Variants in LRFN5 observed in about 807,000 individuals in gnomAD.
The protein encoded by LRFN5 is leucine-rich repeat and fibronectin type-III domain-containing protein 5.
LRFN5 carries 24 observed loss-of-function variants against 45.6 expected under a neutral mutation model. That is an observed-to-expected ratio of 0.53 (90% CI 0.38 to 0.74). LRFN5 has a LOEUF of 0.74. Ranked by LOEUF, LRFN5 falls within the 30% of genes least tolerant of loss-of-function variation. LRFN5 has a pLI of 0.00. For synonymous variants in LRFN5, 340 were observed against 313.8 expected, an observed-to-expected ratio of 1.08 and a Z score of -0.88; for missense variants, 776 against 861.5, an observed-to-expected ratio of 0.90 and a Z score of 1.24.
intron 1 of LRFN5, among the ~76,000 whole-genome samples, chr14:41,691,205 A>G (rs1431372552): frequency 2.6e-5 from 4 of 152,064 alleles, no homozygotes; most frequent in African/African-American, 9.7e-5. Flanking sequence ...TACTTAAATA[A>G]TTGATTTTTA....
intron 2 of LRFN5, among the ~76,000 whole-genome samples, chr14:41,878,116 TAGAC>T (rs1890248429): frequency 6.6e-6 from 1 of 152,092 alleles, no homozygotes; most frequent in Non-Finnish European, 1.5e-5. Context: ...GAAAAAAAGT[TAGAC>T]AGAAAACCTA....
chr14:41,904,047 G>C (rs1318650418), intron 5 of LRFN5, 111 bp from the exon 6 acceptor site: 1 of 855,384 alleles, frequency 1.2e-6, no homozygotes, highest in Non-Finnish European at 1.8e-6. Context: ...CTCCTTGGGT[G>C]CTTACATTTA....
chr14:41,607,271 C>T lies in LRFN5; in HGVS notation c.-1488C>T, dbSNP rs1038072174. 5.9e-5 allele frequency among the ~76,000 whole-genome samples: 9 copies of T among 151,756 alleles called. No homozygotes were observed. Among genetic ancestry groups the T allele is most frequent in the African/African-American group, 2.2e-4 (9 of 41,404 alleles). On this transcript the variant is annotated 5_prime_UTR_variant, in exon 1 of 6. Coordinates refer to ENST00000298119, the MANE Select transcript of LRFN5 (RefSeq NM_152447.5). The stretch of plus-strand genomic sequence containing the variant: ...GCTCTGGCTGTGAACACAGCCCACC[C>T]ATATAATCCATTTTGCACGGTCCGT...
chr14:41,865,479 C>T (rs921899499), intron 2 of LRFN5, among the ~76,000 whole-genome samples: 2 of 152,128 alleles, frequency 1.3e-5, no homozygotes, highest in Admixed American at 1.3e-4. Flanking sequence ...AGCCGATAGA[C>T]ATTTGAATTG....
intron 1 of LRFN5, among the ~76,000 whole-genome samples, chr14:41,656,728 G>T (rs553880559): frequency 6.6e-6 from 1 of 151,968 alleles, no homozygotes; most frequent in South Asian, 2.1e-4. Flanking sequence ...GAACATAGAA[G>T]TCATTTCCTT....
chr14:41,794,925 A>G (rs534535445), intron 2 of LRFN5, among the ~76,000 whole-genome samples: 3 of 152,084 alleles, frequency 2.0e-5, no homozygotes, highest in South Asian at 2.1e-4. Flanking sequence ...ATAAATATTT[A>G]AATATATATG....
At chr14:41,826,954 GTAAT>G (rs1378128680) in intron 2 of LRFN5, among the ~76,000 whole-genome samples, 2 of 151,162 alleles carry the variant, frequency 1.3e-5, no homozygotes, top group African/African-American at 4.9e-5. Flanking sequence ...CACAAAATAA[GTAAT>G]TATTTTGATT....
chr14:41,704,341 T>A (rs1248257865), intron 1 of LRFN5, among the ~76,000 whole-genome samples: 2 of 151,808 alleles, frequency 1.3e-5, no homozygotes, highest in African/African-American at 4.8e-5. Flanking sequence ...ACCTCTGGCC[T>A]TGTATTGCTT....
At chr14:41,666,349 T>C in intron 1 of LRFN5, among the ~76,000 whole-genome samples, 1 of 152,050 alleles carries the variant, frequency 6.6e-6, no homozygotes, top group Admixed American at 6.6e-5. Context: ...ATTACTAGTA[T>C]TATCCCCATT....
Position 41,773,574 on chromosome 14 carries a change from TC to T in LRFN5, c.-21+6546del, listed in dbSNP as rs544486177. ...CTCTCTCTCTTTGTCTCTCTCTCTCTCTGTCTCTTTCTCTTTCTCTCTCTCT... is the reference window on the plus strand; with the variant it reads ...CTCTCTCTCTTTGTCTCTCTCTCTCTTGTCTCTTTCTCTTTCTCTCTCTCT... On this transcript the variant is annotated intron_variant, in intron 2 of 5. Transcript: ENST00000298119. 4.7e-4 allele frequency among the ~76,000 whole-genome samples: 71 copies of T among 152,300 alleles called. No homozygotes were observed. In the East Asian group the frequency reaches 0.013, roughly 28 times the overall value.
chr14:41,738,887 A>G (rs1041665740), intron 1 of LRFN5, among the ~76,000 whole-genome samples: 4 of 152,200 alleles, frequency 2.6e-5, no homozygotes, highest in Non-Finnish European at 4.4e-5. Context: ...TTTCTGAACT[A>G]CTATTTACAA....
chr14:41,901,489 C>A (rs993470741), intron 5 of LRFN5, among the ~76,000 whole-genome samples: 4 of 150,396 alleles, frequency 2.7e-5, no homozygotes, highest in Non-Finnish European at 3.0e-5. Flanking sequence ...AGAGCTATAG[C>A]TTATTCTGTG....
At chr14:41,706,240 A>G (rs924763690) in intron 1 of LRFN5, among the ~76,000 whole-genome samples, 1 of 152,026 alleles carries the variant, frequency 6.6e-6, no homozygotes, top group African/African-American at 2.4e-5. Flanking sequence ...AGCTGGGATT[A>G]CAGGCATGTG....
intron 1 of LRFN5, among the ~76,000 whole-genome samples, chr14:41,636,702 C>T (rs905198542): frequency 1.3e-5 from 2 of 152,064 alleles, no homozygotes; most frequent in African/African-American, 2.4e-5. Context: ...TACCAACTTG[C>T]CTGATTCCAA....
At chr14:41,751,364 C>T (rs1885124194) in intron 1 of LRFN5, among the ~76,000 whole-genome samples, 5 of 151,892 alleles carry the variant, frequency 3.3e-5, no homozygotes, top group Admixed American at 1.3e-4. Context: ...CGTGGTCAAG[C>T]ATCAAAATCA....
intron 2 of LRFN5, among the ~76,000 whole-genome samples, chr14:41,788,963 T>C (rs967874340): frequency 1.3e-5 from 2 of 152,012 alleles, no homozygotes; most frequent in Non-Finnish European, 2.9e-5. Context: ...GGAAAAATTA[T>C]TTTTCTTCTA....
At chr14:41,890,459 G>A (rs1264877126) in intron 3 of LRFN5, among the ~76,000 whole-genome samples, 1 of 151,992 alleles carries the variant, frequency 6.6e-6, no homozygotes, top group Non-Finnish European at 1.5e-5. Flanking sequence ...TGTAATCCCA[G>A]CACTTTGGGA....
At chr14:41,750,266 C>CTT (rs1885073877) in intron 1 of LRFN5, among the ~76,000 whole-genome samples, 1 of 64,810 alleles carries the variant, frequency 1.5e-5, no homozygotes, top group Non-Finnish European at 2.8e-5. Context: ...AGTAACTTTT[C>CTT]TTATATATAT....
intron 2 of LRFN5, among the ~76,000 whole-genome samples, chr14:41,780,868 A>G (rs1016074984): frequency 6.6e-6 from 1 of 152,206 alleles, no homozygotes; most frequent in South Asian, 2.1e-4. Context: ...CCAAGTGTTT[A>G]TAATATACAT....
Sources: gnomAD v4.1 joint callset for allele counts (sites outside exome capture counted in the v4.1 genomes callset) on GRCh38, gnomAD v4.1.1 for gene constraint, MANE v1.5 for transcripts, NCBI Gene and HGNC (gene_info 2026-07-23, HGNC 2026-07-21) for gene names.